Variants in SLC39A11 observed in about 807,000 individuals in gnomAD.
SLC39A11 encodes the protein solute carrier family 39 member 11.
SLC39A11 carries 33 observed loss-of-function variants against 36.1 expected under a neutral mutation model. The ratio of observed to expected loss-of-function variants is 0.91; its 90% CI spans 0.69 to 1.22. The LOEUF (loss-of-function observed/expected upper bound fraction) is 1.22. SLC39A11 is among the 50% of genes most tolerant of loss of function. The pLI, the probability that SLC39A11 is intolerant of heterozygous loss-of-function variation, is 0.00. For missense variants in SLC39A11, 432 were observed against 430.3 expected, an observed-to-expected ratio of 1.00 and a Z score of -0.03; for synonymous variants, 166 against 170.3, an observed-to-expected ratio of 0.97 and a Z score of 0.20.
rs56036208 is a variant in SLC39A11 at position 72,949,144 on chromosome 17, C to CTTTTTTTTTTTTTTTTTTTTTT, written c.307-1291_307-1270dup. On this transcript the variant is annotated intron_variant, in intron 4 of 9. Transcript: ENST00000255559. ...AAATAAAATACCATACACTGGGCAG[C>CTTTTTTTTTTTTTTTTTTTTTT]TTTTTTTTTTTTTTTTTTTTTTTTT... Among the ~76,000 whole-genome samples, 41 of 36,508 alleles carry CTTTTTTTTTTTTTTTTTTTTTT rather than the reference C, an allele frequency of 1.1e-3. 10 individuals are homozygous for CTTTTTTTTTTTTTTTTTTTTTT. The highest frequency in any genetic ancestry group is 2.2e-3 in the Admixed American group (4 of 1,802). 24.0% of individuals were successfully genotyped at this position (36,508 alleles called of 152,430 possible).
intron 3 of SLC39A11, among the ~76,000 whole-genome samples, chr17:73,046,820 A>T (rs968315102): frequency 5.9e-5 from 9 of 152,034 alleles, no homozygotes; most frequent in African/African-American, 2.2e-4. Flanking sequence ...GCATGTCCAT[A>T]GTCCCAGCTA....
intron 5 of SLC39A11, among the ~76,000 whole-genome samples, chr17:72,862,664 C>T (rs1006492451): frequency 6.6e-6 from 1 of 152,072 alleles, no homozygotes; most frequent in East Asian, 1.9e-4. Flanking sequence ...GCAGACATGT[C>T]TTGCTGAAAA....
intron 6 of SLC39A11, among the ~76,000 whole-genome samples, chr17:72,762,822 T>C (rs563467581): frequency 6.6e-6 from 1 of 152,206 alleles, no homozygotes; most frequent in South Asian, 2.1e-4. Context: ...CTTTCTCAGC[T>C]CCAGGCAGAC....
intron 4 of SLC39A11, among the ~76,000 whole-genome samples, chr17:73,006,735 T>C (rs910817723): frequency 1.3e-5 from 2 of 151,946 alleles, no homozygotes; most frequent in African/African-American, 4.8e-5. Context: ...TGATATAAAA[T>C]GATGAATATA....
chr17:72,773,689 A>G (rs2076035033), intron 6 of SLC39A11, among the ~76,000 whole-genome samples: 1 of 147,886 alleles, frequency 6.8e-6, no homozygotes, highest in South Asian at 2.1e-4. Flanking sequence ...CCAGTATATA[A>G]AGGATATCAG....
intron 5 of SLC39A11, among the ~76,000 whole-genome samples, chr17:72,903,553 G>A (rs765792047): frequency 6.6e-6 from 1 of 152,174 alleles, no homozygotes; most frequent in Non-Finnish European, 1.5e-5. Flanking sequence ...CACTGTGACC[G>A]TAGAGGCCCC....
chr17:73,079,657 AAGAG>A (rs1354130499), intron 3 of SLC39A11, among the ~76,000 whole-genome samples: 2 of 152,178 alleles, frequency 1.3e-5, no homozygotes, highest in African/African-American at 4.8e-5. Flanking sequence ...GCAATCAGAC[AAGAG>A]AAAGAAAGAA....
intron 4 of SLC39A11, among the ~76,000 whole-genome samples, chr17:72,954,194 C>G (rs1045034177): frequency 6.6e-6 from 1 of 152,078 alleles, no homozygotes; most frequent in African/African-American, 2.4e-5. Context: ...TACAGGTGCC[C>G]GCCACCATGC....
At chr17:72,910,636 A>AAAT (rs1269274953) in intron 5 of SLC39A11, among the ~76,000 whole-genome samples, 1 of 148,858 alleles carries the variant, frequency 6.7e-6, no homozygotes, top group Non-Finnish European at 1.5e-5. Context: ...AAAAAAAAAA[A>AAAT]AAAAAAAAGG....
chr17:72,947,780 GA>G lies in SLC39A11; in HGVS notation c.401del (p.Phe134SerfsTer10), dbSNP rs1181742331. On this transcript the variant is annotated frameshift_variant, in exon 5 of 10. Transcript: ENST00000255559. LOFTEE classifies it high-confidence loss of function. Reference sequence around the variant, plus strand: ...TCCGGATGGAAAGTTCACTCTCAGGGAAGAGCAGCGCGGGACCCTCAGGATC... The same window carrying G: ...TCCGGATGGAAAGTTCACTCTCAGGGAGAGCAGCGCGGGACCCTCAGGATC... ...KSDPEGPALLFPESELSIRID... is the reference protein window; with the variant it reads ...KSDPEGPALLXPESELSIRID... 1 of 1,614,120 alleles carries G rather than the reference GA, an allele frequency of 6.2e-7. No individual in the cohort carries two copies. The highest frequency in any genetic ancestry group is 1.1e-5 in the South Asian group (1 of 91,076).
intron 7 of SLC39A11, among the ~76,000 whole-genome samples, chr17:72,665,740 T>C (rs1393579340): frequency 6.6e-6 from 1 of 152,168 alleles, no homozygotes; most frequent in African/African-American, 2.4e-5. Context: ...AGTCACCTTC[T>C]CAATGAAATC....
intron 6 of SLC39A11, among the ~76,000 whole-genome samples, chr17:72,827,681 G>A (rs1379539121): frequency 6.6e-6 from 1 of 152,170 alleles, no homozygotes; most frequent in African/African-American, 2.4e-5. Context: ...ATTGCCTTCA[G>A]CCATCTCATT....
intron 6 of SLC39A11, among the ~76,000 whole-genome samples, chr17:72,812,928 A>ATGGGACTT (rs147795784): frequency 0.092 from 13,949 of 152,126 alleles, 1,302 homozygotes; most frequent in African/African-American, 0.24. Flanking sequence ...ACACAGTCCG[A>ATGGGACTT]TGAACAAGCT....
chr17:72,744,597 G>C (rs1192676433), intron 6 of SLC39A11, among the ~76,000 whole-genome samples: 2 of 151,936 alleles, frequency 1.3e-5, no homozygotes, highest in Admixed American at 1.3e-4. Flanking sequence ...TCTGGAGGCT[G>C]AGAAGTCTGA....
chr17:72,700,054 T>C (rs1286100300), intron 7 of SLC39A11, among the ~76,000 whole-genome samples: 1 of 152,132 alleles, frequency 6.6e-6, no homozygotes, highest in African/African-American at 2.4e-5. Context: ...ACAGAAGCTC[T>C]TGGGAGACGA....
intron 6 of SLC39A11, among the ~76,000 whole-genome samples, chr17:72,775,607 T>A (rs1458597821): frequency 6.6e-6 from 1 of 152,100 alleles, no homozygotes. Context: ...ATCAGATTAT[T>A]CAGGAGCAGC....
At chr17:72,731,972 C>A (rs189681544) in intron 7 of SLC39A11, among the ~76,000 whole-genome samples, 57 of 150,932 alleles carry the variant, frequency 3.8e-4, no homozygotes, top group Non-Finnish European at 7.2e-4. Context: ...GGTGATCCAC[C>A]CACCTTGGCC....
intron 4 of SLC39A11, among the ~76,000 whole-genome samples, chr17:72,955,687 C>T (rs962970596): frequency 2.0e-5 from 3 of 151,890 alleles, no homozygotes; most frequent in African/African-American, 7.3e-5. Flanking sequence ...ACTGTCAGGG[C>T]CCAGCACACG....
At chr17:72,929,136 C>T (rs1184279657) in intron 5 of SLC39A11, among the ~76,000 whole-genome samples, 1 of 152,254 alleles carries the variant, frequency 6.6e-6, no homozygotes, top group South Asian at 2.1e-4. Context: ...AGAATCTCAG[C>T]TGGAATTCAA....
Sources: allele counts gnomAD v4.1 joint callset (sites outside exome capture counted in the v4.1 genomes callset), GRCh38; gene constraint gnomAD v4.1.1; transcripts MANE v1.5; gene names NCBI Gene and HGNC (gene_info 2026-07-23, HGNC 2026-07-21).